ANKRD36: variants seen among roughly 807,000 people sequenced by gnomAD.
ANKRD36 encodes ankyrin repeat domain 36, also known as ankyrin repeat domain-containing protein 36A.
ANKRD36 carries 179 observed loss-of-function variants against 278.1 expected under a neutral mutation model. That is an observed-to-expected ratio of 0.64 (90% CI 0.57 to 0.73). ANKRD36 has a LOEUF of 0.73. Among genes scored for constraint, ANKRD36 ranks in the 30% least tolerant of loss-of-function variants. ANKRD36 has a pLI of 0.00. For synonymous variants in ANKRD36, 320 were observed against 641.1 expected (o/e 0.50, Z 7.57); for missense variants, 1,159 against 1,956.7 (o/e 0.59, Z 7.69).
chr2:97,201,615 C>T (rs1280784283), intron 46 of ANKRD36, among the ~76,000 whole-genome samples: 5 of 151,946 alleles, frequency 3.3e-5, no homozygotes, highest in Admixed American at 3.3e-4. Flanking sequence ...TATTACACCA[C>T]ATGGGTGGGA....
intron 17 of ANKRD36, among the ~76,000 whole-genome samples, chr2:97,158,907 G>T (rs1177584442): frequency 1.3e-5 from 2 of 152,046 alleles, no homozygotes; most frequent in Non-Finnish European, 2.9e-5. Flanking sequence ...TGTATGCATG[G>T]GACTAGGATT....
rs545478213 is a variant in ANKRD36 at position 97,202,241 on chromosome 2, T to A, written c.2886+11T>A. The A allele has an allele frequency of 6.2e-7, 1 of 1,609,020 alleles. No individual in the cohort carries two copies. Among genetic ancestry groups the A allele is most frequent in the South Asian group, 1.1e-5 (1 of 90,718 alleles). ...CCACCAGCCTTGAAGGTAATGAAAC[T>A]CCCATTTATCTTGTGAACGAGTTAA... On this transcript the variant is annotated intron_variant, in intron 47 of 75. Coordinates refer to ENST00000420699, the MANE Select transcript of ANKRD36 (RefSeq NM_001354587.1).
At chr2:97,224,443 TG>T (rs1361934332) in intron 66 of ANKRD36, among the ~76,000 whole-genome samples, 3 of 144,598 alleles carry the variant, frequency 2.1e-5, no homozygotes, top group African/African-American at 7.3e-5. Context: ...TTTGTTTTTT[TG>T]TTTTTTTGTT....
chr2:97,196,392 A>C (rs571912486), intron 40 of ANKRD36, among the ~76,000 whole-genome samples: 13 of 152,090 alleles, frequency 8.5e-5, no homozygotes, highest in Admixed American at 2.0e-4. Context: ...TTGAAATTAT[A>C]AGGGTATATT....
rs574305154 is a variant in ANKRD36 at position 97,203,928 on chromosome 2, C to A, written c.2960-140C>A. 1.0e-5 allele frequency: 14 copies of A among 1,368,804 alleles called. No homozygotes were observed. The East Asian group carries it at 1.5e-4, about 15-fold the overall frequency. 84.8% of individuals were successfully genotyped at this position (1,368,804 alleles called of 1,614,324 possible). A position where few individuals can be genotyped will look rare whatever the true frequency, so the allele number is the denominator to read the frequency against. On this transcript the variant is annotated intron_variant, in intron 48 of 75. Coordinates refer to ENST00000420699, the MANE Select transcript of ANKRD36 (RefSeq NM_001354587.1). ...CAGCGTATTTCTGTCACGTTCTAAT[C>A]CCCAGACCAAAATTAGAAGCCATCA...
intron 44 of ANKRD36, 74 bp from the exon 45 acceptor site, chr2:97,200,260 T>C: frequency 1.2e-6 from 2 of 1,603,286 alleles, no homozygotes; most frequent in East Asian, 2.3e-5. Flanking sequence ...AGGTTGATGC[T>C]AACACTGTGT....
intron 40 of ANKRD36, 97 bp downstream of exon 40, chr2:97,195,014 C>G (rs1428377540): frequency 3.1e-5 from 46 of 1,467,404 alleles, no homozygotes; most frequent in Non-Finnish European, 3.9e-5. Context: ...GATGCACATT[C>G]TGATTCAGCA....
rs185124214 is a variant in ANKRD36, at chr2:97,130,031, G to A, written c.799+2897G>A. On this transcript the variant is annotated intron_variant, in intron 6 of 75. Transcript: ENST00000420699. ...AGAAAGTCATTGTTAGCTTGATGGG[G>A]ATGGCATTGGATCTATAAATTACCT... is the stretch of plus-strand genomic sequence containing the variant. Among the ~76,000 whole-genome samples, 44 of 152,104 alleles carry A rather than the reference G, an allele frequency of 2.9e-4. 1 individual carries two copies. The highest frequency in any genetic ancestry group is 1.1e-3 in the African/African-American group (44 of 41,526).
At chr2:97,139,467 A>ATATTATATAT (rs1491137148) in intron 6 of ANKRD36, among the ~76,000 whole-genome samples, 6 of 147,456 alleles carry the variant, frequency 4.1e-5, no homozygotes, top group African/African-American at 1.5e-4. Context: ...AAAATCAGTG[A>ATATTATATAT]TATATATTTC....
At chr2:97,182,664 T>C (rs2056518832) in intron 26 of ANKRD36, among the ~76,000 whole-genome samples, 1 of 151,288 alleles carries the variant, frequency 6.6e-6, no homozygotes, top group Non-Finnish European at 1.5e-5. Context: ...TTATTTTCAA[T>C]GAATATTGGA....
intron 30 of ANKRD36, 22 bp from the exon 31 acceptor site, chr2:97,187,176 A>C (rs1378970698): frequency 1.5e-5 from 24 of 1,609,158 alleles, no homozygotes; most frequent in Non-Finnish European, 2.0e-5. Flanking sequence ...ATGAGTGATT[A>C]TGTATCCCTT....
In ANKRD36 at chr2:97,152,685, C is replaced by G. The variant is rs556339683; in HGVS notation, c.1193+151C>G. On this transcript the variant is annotated intron_variant, in intron 14 of 75. Transcript: ENST00000420699. ...CACACAACTTTAGAAACTATTTGTGCTGTTATTGCTTTTTTACTAATTAGG... is the reference window on the plus strand; with the variant it reads ...CACACAACTTTAGAAACTATTTGTGGTGTTATTGCTTTTTTACTAATTAGG... Among the ~76,000 whole-genome samples the G allele has an allele frequency of 6.9e-4, 101 of 145,838 alleles. 8 individuals carry two copies. Among genetic ancestry groups the G allele is most frequent in the Middle Eastern group, 6.8e-3 (2 of 294 alleles).
At chr2:97,178,047 C>T (rs2153534923) in intron 22 of ANKRD36, among the ~76,000 whole-genome samples, 1 of 150,156 alleles carries the variant, frequency 6.7e-6, no homozygotes, top group Non-Finnish European at 1.5e-5. Context: ...CAAAAGAAGA[C>T]ATTTATGCAG....
At chr2:97,171,575 T>G (rs1189283283) in intron 22 of ANKRD36, among the ~76,000 whole-genome samples, 7 of 117,358 alleles carry the variant, frequency 6.0e-5, no homozygotes, top group African/African-American at 2.2e-4. Context: ...GGGGGAGGGA[T>G]AGCATTGGGA....
chr2:97,142,091 A>C (rs1203400629), intron 6 of ANKRD36, among the ~76,000 whole-genome samples: 1 of 152,294 alleles, frequency 6.6e-6, no homozygotes, highest in Non-Finnish European at 1.5e-5. Context: ...ACTAGGATTC[A>C]CCAAACATAT....
At chr2:97,169,406 C>T (rs1443739661) in intron 22 of ANKRD36, among the ~76,000 whole-genome samples, 3 of 152,256 alleles carry the variant, frequency 2.0e-5, no homozygotes, top group Admixed American at 2.0e-4. Context: ...GTTGCTTGTT[C>T]ACTCTGATCA....
chr2:97,170,219 C>T (rs1480686811), intron 22 of ANKRD36, among the ~76,000 whole-genome samples: 2 of 151,546 alleles, frequency 1.3e-5, no homozygotes, highest in South Asian at 2.1e-4. Context: ...AACTGGCTAG[C>T]CTTATGCAGG....
In ANKRD36 at chr2:97,213,384, C is replaced by T. The variant is rs201109648; in HGVS notation, c.3470-35C>T. 2.3e-5 allele frequency: 11 copies of T among 473,584 alleles called. No homozygotes were observed. The Admixed American group carries it at 5.0e-4, about 21-fold the overall frequency. 29.3% of individuals were successfully genotyped at this position (473,584 alleles called of 1,614,324 possible). ...TGTATGGATAACTTTATCATATTTA[C>T]ATATGAGTGATTATGTATCCCTTTT... is the stretch of plus-strand genomic sequence containing the variant. On this transcript the variant is annotated intron_variant, in intron 58 of 75. Coordinates refer to ENST00000420699, the MANE Select transcript of ANKRD36 (RefSeq NM_001354587.1).
chr2:97,142,443 A>G (rs191673442), intron 6 of ANKRD36, among the ~76,000 whole-genome samples, 197 bp from the exon 7 acceptor site: 26 of 152,266 alleles, frequency 1.7e-4, no homozygotes, highest in East Asian at 3.9e-4. Flanking sequence ...TTGTAAGTGT[A>G]TTTTTCATGA....
Sources: gnomAD v4.1 joint callset for allele counts (sites outside exome capture counted in the v4.1 genomes callset) on GRCh38, gnomAD v4.1.1 for gene constraint, MANE v1.5 for transcripts, NCBI Gene and HGNC (gene_info 2026-07-23, HGNC 2026-07-21) for gene names.